ZCCHC24: variants seen among roughly 807,000 people sequenced by gnomAD.
ZCCHC24 encodes zinc finger CCHC-type containing 24.
ZCCHC24 carries 10 observed loss-of-function variants against 26.2 expected under a neutral mutation model. The observed-to-expected ratio is 0.38, with a 90% CI of 0.24 to 0.65. The LOEUF (loss-of-function observed/expected upper bound fraction) is 0.65. Among genes scored for constraint, ZCCHC24 ranks in the 30% least tolerant of loss-of-function variants. The pLI is 0.54. For synonymous variants in ZCCHC24, 144 were observed against 147.1 expected, an observed-to-expected ratio of 0.98 and a Z score of 0.15; for missense variants, 243 against 329.1, an observed-to-expected ratio of 0.74 and a Z score of 2.03.
At chr10:79,399,779 C>A (rs955490720) in intron 2 of ZCCHC24, among the ~76,000 whole-genome samples, 1 of 152,226 alleles carries the variant, frequency 6.6e-6, no homozygotes, top group Non-Finnish European at 1.5e-5. Flanking sequence ...AGGGGCCCCC[C>A]GGGCAAGCCA....
intron 2 of ZCCHC24, among the ~76,000 whole-genome samples, chr10:79,402,181 G>A (rs1004004397): frequency 3.4e-4 from 51 of 152,228 alleles, no homozygotes; most frequent in Non-Finnish European, 8.8e-5. Context: ...CTTGAGCCTG[G>A]GGCAGTGCGG....
Position 79,384,107 on chromosome 10 carries a change from G to A in ZCCHC24, c.*2238C>T, listed in dbSNP as rs1191311343. 2.6e-5 allele frequency: 4 copies of A among 152,510 alleles called. No homozygotes were observed. Among genetic ancestry groups the A allele is most frequent in the African/African-American group, 7.2e-5 (3 of 41,456 alleles). 9.4% of individuals were successfully genotyped at this position (152,510 alleles called of 1,614,324 possible). The stretch of plus-strand genomic sequence containing the variant: ...GAGTATGGAAGGTGGGCCTCAAAGC[G>A]GGAACCCCAGCCCCCAAGGTGGCTG... On this transcript the variant is annotated 3_prime_UTR_variant, in exon 4 of 4. Transcript: ENST00000372336.
chr10:79,440,982 A>G (rs1857284763), intron 1 of ZCCHC24, among the ~76,000 whole-genome samples: 1 of 151,950 alleles, frequency 6.6e-6, no homozygotes, highest in East Asian at 1.9e-4. Context: ...GTCACACTTC[A>G]GCTTCCCAAG....
chr10:79,423,269 G>C (rs1189835931), intron 2 of ZCCHC24, among the ~76,000 whole-genome samples: 4 of 151,962 alleles, frequency 2.6e-5, no homozygotes, highest in African/African-American at 9.7e-5. Context: ...TTTATTTTCT[G>C]GCTGGGCATG....
intron 3 of ZCCHC24, among the ~76,000 whole-genome samples, chr10:79,391,528 G>C (rs1856478272): frequency 6.6e-6 from 1 of 151,914 alleles, no homozygotes; most frequent in African/African-American, 2.4e-5. Context: ...GTCACAGTGG[G>C]GGTCGTAAGG....
chr10:79,396,106 A>G (rs899590131), intron 2 of ZCCHC24, among the ~76,000 whole-genome samples: 1 of 152,218 alleles, frequency 6.6e-6, no homozygotes, highest in Non-Finnish European at 1.5e-5. Flanking sequence ...GAAACATACA[A>G]CATTTGTCCT....
At chr10:79,438,227 C>T (rs1444929138) in intron 1 of ZCCHC24, among the ~76,000 whole-genome samples, 4 of 152,146 alleles carry the variant, frequency 2.6e-5, no homozygotes, top group African/African-American at 9.7e-5. Flanking sequence ...CACAGACACG[C>T]GCACACACAC....
At position 79,442,290 on chromosome 10, in the gene ZCCHC24, T is replaced by A. The variant is rs183476363; in HGVS notation, c.246+2905A>T. ...ACAAGCTGGGAAGTCCCCACAAGAA[T>A]CCAAGTCACCTCCTGGTGCTTGCTC... On this transcript the variant is annotated intron_variant, in intron 1 of 3. Transcript: ENST00000372336. 7.6e-3 allele frequency among the ~76,000 whole-genome samples: 1,161 copies of A among 152,274 alleles called. 18 individuals carry two copies. The highest frequency in any genetic ancestry group is 0.027 in the African/African-American group (1,112 of 41,548).
chr10:79,439,744 G>A (rs149231914), intron 1 of ZCCHC24, among the ~76,000 whole-genome samples: 1,508 of 146,736 alleles, frequency 0.01, 26 homozygotes, highest in African/African-American at 0.036. Flanking sequence ...GCAGTGAGCA[G>A]AGATTGTGCC....
intron 2 of ZCCHC24, among the ~76,000 whole-genome samples, chr10:79,406,843 T>C (rs184105305): frequency 5.9e-5 from 9 of 152,330 alleles, no homozygotes; most frequent in Admixed American, 3.9e-4. Flanking sequence ...CCCTTGTCTG[T>C]GGACAGCCCC....
intron 2 of ZCCHC24, among the ~76,000 whole-genome samples, chr10:79,406,404 G>A (rs573062351): frequency 2.0e-5 from 3 of 152,214 alleles, no homozygotes; most frequent in African/African-American, 7.2e-5. Context: ...CTTTTACAGG[G>A]GGGTCGCAGG....
intron 2 of ZCCHC24, among the ~76,000 whole-genome samples, chr10:79,404,479 AGAG>A (rs1856681512): frequency 6.6e-6 from 1 of 152,216 alleles, no homozygotes; most frequent in Admixed American, 6.5e-5. Flanking sequence ...TGCAAAAGAC[AGAG>A]GTTTCCTCCG....
chr10:79,411,741 GGA>G (rs1264878527), intron 2 of ZCCHC24, among the ~76,000 whole-genome samples: 4 of 152,118 alleles, frequency 2.6e-5, no homozygotes, highest in Non-Finnish European at 5.9e-5. Flanking sequence ...CCAGTGCTAG[GGA>G]GAGTCTGAAG....
intron 2 of ZCCHC24, among the ~76,000 whole-genome samples, chr10:79,399,466 G>A (rs1057490031): frequency 2.0e-5 from 3 of 152,222 alleles, no homozygotes; most frequent in Admixed American, 6.5e-5. Context: ...CCCCTGCCAC[G>A]TACCCCTCTG....
At chr10:79,411,975 C>A (rs116697473) in intron 2 of ZCCHC24, among the ~76,000 whole-genome samples, 1 of 152,192 alleles carries the variant, frequency 6.6e-6, no homozygotes, top group Non-Finnish European at 1.5e-5. Flanking sequence ...CTCTCCTGCC[C>A]TTCCCTGGCT....
rs1450840523 is a variant in ZCCHC24 at position 79,413,771 on chromosome 10, TGTGTGTGTGAGAGA to T, written c.447+18773_447+18786del. The stretch of plus-strand genomic sequence containing the variant: ...ATATGTGCGTGCGCATGTGTGTGTG[TGTGTGTGTGAGAGA>T]GAGAGAGAGAGAGAGAGAGTTTAGG... On this transcript the variant is annotated intron_variant, in intron 2 of 3. Transcript: ENST00000372336. Among the ~76,000 whole-genome samples the T allele has an allele frequency of 3.3e-3, 348 of 105,532 alleles. 2 individuals are homozygous for T. The highest frequency in any genetic ancestry group is 0.02 in the South Asian group (45 of 2,306). 69.2% of individuals were successfully genotyped at this position (105,532 alleles called of 152,430 possible). A position where few individuals can be genotyped will look rare whatever the true frequency, so the allele number is the denominator to read the frequency against.
At chr10:79,412,649 A>C (rs1856807829) in intron 2 of ZCCHC24, among the ~76,000 whole-genome samples, 1 of 152,210 alleles carries the variant, frequency 6.6e-6, no homozygotes, top group Admixed American at 6.5e-5. Context: ...CCACGTAGAG[A>C]GATGGCCACC....
intron 1 of ZCCHC24, among the ~76,000 whole-genome samples, chr10:79,441,683 G>A (rs761099943): frequency 6.6e-6 from 1 of 151,518 alleles, no homozygotes; most frequent in Non-Finnish European, 1.5e-5. Context: ...TGTTTCCAAG[G>A]GAAAGGAAGG....
chr10:79,444,350 T>C, intron 1 of ZCCHC24: 1 of 1,243,478 alleles, frequency 8.0e-7, no homozygotes, highest in Non-Finnish European at 1.0e-6. Context: ...GATCTGTGTA[T>C]TTATCTTGCT....
Sources: gnomAD v4.1 joint callset for allele counts (sites outside exome capture counted in the v4.1 genomes callset) on GRCh38, gnomAD v4.1.1 for gene constraint, MANE v1.5 for transcripts, NCBI Gene and HGNC (gene_info 2026-07-23, HGNC 2026-07-21) for gene names.